Variants in FBXL20 observed in about 807,000 individuals in gnomAD.
FBXL20 encodes F-box and leucine rich repeat protein 20.
In FBXL20, 11 loss-of-function variants were observed where a neutral mutation model predicts 64.0. The ratio of observed to expected loss-of-function variants is 0.17; its 90% confidence interval spans 0.11 to 0.28. FBXL20 has a LOEUF of 0.28. FBXL20 is among the 10% of genes least tolerant of loss of function. The pLI is 1.00. For missense variants in FBXL20, 303 were observed against 526.2 expected, an observed-to-expected ratio of 0.58 and a Z score of 4.15; for synonymous variants, 184 against 189.0, an observed-to-expected ratio of 0.97 and a Z score of 0.22.
intron 2 of FBXL20, among the ~76,000 whole-genome samples, chr17:39,334,393 C>T (rs924652775): frequency 6.6e-5 from 10 of 152,006 alleles, no homozygotes; most frequent in Non-Finnish European, 1.3e-4. Context: ...TGTTTATCTG[C>T]TGACCTTCCC....
intron 2 of FBXL20, among the ~76,000 whole-genome samples, chr17:39,318,035 T>C (rs758297457): frequency 1.1e-4 from 16 of 152,026 alleles, no homozygotes; most frequent in Non-Finnish European, 2.1e-4. Context: ...ATGAATTATT[T>C]AGTAAATGGT....
intron 1 of FBXL20, among the ~76,000 whole-genome samples, chr17:39,373,105 A>T (rs1041127159): frequency 2.0e-5 from 3 of 151,626 alleles, no homozygotes; most frequent in African/African-American, 7.3e-5. Flanking sequence ...ACCCATTTTT[A>T]ATGCTCAGCT....
At chr17:39,323,391 T>C (rs971871301) in intron 2 of FBXL20, among the ~76,000 whole-genome samples, 2 of 152,152 alleles carry the variant, frequency 1.3e-5, no homozygotes, top group Non-Finnish European at 2.9e-5. Flanking sequence ...TATCTGCTTT[T>C]CAGAAGCATA....
At chr17:39,281,148 A>C (rs901886297) in intron 9 of FBXL20, among the ~76,000 whole-genome samples, 1 of 152,130 alleles carries the variant, frequency 6.6e-6, no homozygotes, top group Non-Finnish European at 1.5e-5. Context: ...AAAGGGGTGG[A>C]GCTACAGTTA....
At chr17:39,286,184 C>A (rs1194572456) in intron 6 of FBXL20, among the ~76,000 whole-genome samples, 2 of 152,136 alleles carry the variant, frequency 1.3e-5, no homozygotes, top group African/African-American at 4.8e-5. Flanking sequence ...ACAGAGAACC[C>A]ACATGTACCA....
At position 39,282,927 on chromosome 17, in the gene FBXL20, T is replaced by C. The variant is rs2046960500; in HGVS notation, c.495-72A>G. 3.2e-6 allele frequency: 5 copies of C among 1,566,768 alleles called. No homozygotes were observed. In the East Asian group the frequency reaches 1.1e-4, roughly 35 times the overall value. ...CAAAAACACCAACGTCTCAATTTAT[T>C]GGCTATTTAGTAAAGGAATGGAAAC... On this transcript the variant is annotated intron_variant, in intron 7 of 14. Coordinates refer to ENST00000264658, the MANE Select transcript of FBXL20 (RefSeq NM_032875.3).
chr17:39,283,793 T>C (rs943615245), intron 7 of FBXL20, among the ~76,000 whole-genome samples: 4 of 152,196 alleles, frequency 2.6e-5, no homozygotes, highest in Non-Finnish European at 5.9e-5. Context: ...CTACTCTTAA[T>C]AGTTTAGCTT....
intron 14 of FBXL20, among the ~76,000 whole-genome samples, chr17:39,263,567 G>A (rs1372421345): frequency 6.6e-6 from 1 of 151,658 alleles, no homozygotes; most frequent in Non-Finnish European, 1.5e-5. Context: ...GGTGGTGTGT[G>A]CCTGTAGTCC....
At chr17:39,278,470 T>C (rs2046919407) in intron 9 of FBXL20, among the ~76,000 whole-genome samples, 1 of 151,590 alleles carries the variant, frequency 6.6e-6, no homozygotes, top group Non-Finnish European at 1.5e-5. Context: ...CCAGGAATAG[T>C]TTTTCTTTGG....
intron 2 of FBXL20, among the ~76,000 whole-genome samples, chr17:39,312,288 A>ATG (rs2047241840): frequency 6.6e-6 from 1 of 151,522 alleles, no homozygotes; most frequent in African/African-American, 2.4e-5. Context: ...GGTGGCAGGC[A>ATG]CCTCTAATCA....
intron 2 of FBXL20, among the ~76,000 whole-genome samples, chr17:39,305,132 C>T (rs536225181): frequency 6.6e-6 from 1 of 151,748 alleles, no homozygotes; most frequent in South Asian, 2.1e-4. Context: ...GCCTAAAAAA[C>T]AGCAATGAAA....
chr17:39,358,159 A>G (rs6503504), intron 1 of FBXL20, among the ~76,000 whole-genome samples: 32,462 of 152,104 alleles, frequency 0.21, 3,977 homozygotes, highest in African/African-American at 0.33. Context: ...TCCAAGGAAA[A>G]GAGAAAATGA....
upstream of FBXL20, chr17:39,401,810 G>C (rs762132420): frequency 1.3e-6 from 1 of 740,970 alleles, no homozygotes; most frequent in African/African-American, 1.9e-5. Flanking sequence ...CGGCGCTCCC[G>C]GGAGCAGCCG....
intron 1 of FBXL20, among the ~76,000 whole-genome samples, chr17:39,364,955 G>A (rs2047844626): frequency 6.6e-6 from 1 of 152,104 alleles, no homozygotes; most frequent in South Asian, 2.1e-4. Context: ...TTGTTAAATA[G>A]CAAATACTAC....
intron 9 of FBXL20, among the ~76,000 whole-genome samples, chr17:39,280,803 TG>T (rs1405512280): frequency 2.0e-5 from 3 of 152,184 alleles, no homozygotes; most frequent in Non-Finnish European, 4.4e-5. Flanking sequence ...CTCACTCTGT[TG>T]CCCGAGCTGG....
intron 6 of FBXL20, among the ~76,000 whole-genome samples, chr17:39,289,353 A>C (rs936327441): frequency 6.6e-6 from 1 of 152,234 alleles, no homozygotes; most frequent in Non-Finnish European, 1.5e-5. Context: ...GAAAACAAGT[A>C]TCTTAACAAT....
intron 6 of FBXL20, among the ~76,000 whole-genome samples, chr17:39,291,511 G>A (rs2047039626): frequency 7.1e-6 from 1 of 140,600 alleles, no homozygotes; most frequent in Non-Finnish European, 1.5e-5. Flanking sequence ...TCAGCTCACT[G>A]CAACCTCTGC....
At chr17:39,264,845 A>T (rs371261273) in intron 13 of FBXL20, among the ~76,000 whole-genome samples, 3 of 152,288 alleles carry the variant, frequency 2.0e-5, no homozygotes, top group East Asian at 3.9e-4. Context: ...TCATCTCTTC[A>T]TCAATATTTA....
At chr17:39,297,020 A>G (rs2047092286) in intron 6 of FBXL20, 107 bp downstream of exon 6, 3 of 630,264 alleles carry the variant, frequency 4.8e-6, no homozygotes, top group Admixed American at 3.1e-5. Flanking sequence ...TTTCCTCTAC[A>G]AAACCAAGAT....
Sources: gnomAD v4.1 joint callset for allele counts (sites outside exome capture counted in the v4.1 genomes callset) on GRCh38, gnomAD v4.1.1 for gene constraint, MANE v1.5 for transcripts, NCBI Gene and HGNC (gene_info 2026-07-23, HGNC 2026-07-21) for gene names.